The following ITGA1 variants were observed in gnomAD, a reference collection of about 807,000 sequenced individuals.
ITGA1 encodes the protein integrin subunit alpha 1, also known as integrin alpha-1.
Under a neutral mutation model 145.9 loss-of-function variants are expected in ITGA1, and 85 were observed. The observed-to-expected ratio is 0.58, with a 90% CI of 0.49 to 0.70. The LOEUF (loss-of-function observed/expected upper bound fraction) is 0.70. ITGA1 is among the 30% of genes least tolerant of loss of function. The probability of loss-of-function intolerance (pLI) is 0.00; values close to 1 mark genes in which losing one functional copy is unlikely to be tolerated. For missense variants in ITGA1, 1,351 were observed against 1,418.7 expected, an observed-to-expected ratio of 0.95 and a Z score of 0.77; for synonymous variants, 520 against 495.3, an observed-to-expected ratio of 1.05 and a Z score of -0.66.
intron 11 of ITGA1, among the ~76,000 whole-genome samples, chr5:52,899,325 T>G (rs757503885): frequency 4.6e-5 from 7 of 152,162 alleles, no homozygotes; most frequent in Non-Finnish European, 7.4e-5. Flanking sequence ...TTTACTGCGG[T>G]GTTTATACAT....
chr5:52,887,820 A>G lies in ITGA1; in HGVS notation c.779A>G (p.Glu260Gly). The G allele has an allele frequency of 6.2e-7, 1 of 1,611,622 alleles. No individual in the cohort carries two copies. Among genetic ancestry groups the G allele is most frequent in the Non-Finnish European group, 8.5e-7 (1 of 1,178,446 alleles). The change falls in exon 8 of 29, where the codon GAG becomes GGG. Residue 260 changes from glutamate (E) to glycine (G), a missense_variant. Physicochemically the swap from Glu to Gly is moderately conservative, Grantham distance 98. Transcript: ENST00000282588. ...TALGIDTARK[E>G]AFTEARGARR... ...TTTGTTTGTGATTACTTTAGAAAGG[A>G]GGCATTCACGGAAGCCCGGGGTGCC...
At chr5:52,879,183 G>C (rs1230543558) in intron 6 of ITGA1, among the ~76,000 whole-genome samples, 1 of 152,018 alleles carries the variant, frequency 6.6e-6, no homozygotes, top group Non-Finnish European at 1.5e-5. Context: ...AAAGAAATGA[G>C]AGACTAGGGT....
chr5:52,800,541 A>G (rs780308633), intron 1 of ITGA1: 19 of 1,614,068 alleles, frequency 1.2e-5, no homozygotes, highest in Middle Eastern at 1.6e-4. Context: ...AGGTACAGAC[A>G]GAGTCCTCCA....
chr5:52,830,916 C>T (rs866328762), intron 1 of ITGA1, among the ~76,000 whole-genome samples: 2 of 152,150 alleles, frequency 1.3e-5, no homozygotes, highest in East Asian at 1.9e-4. Context: ...ACATCACCAC[C>T]GTCTTGCCCT....
chr5:52,872,016 A>G (rs1332641864), intron 6 of ITGA1, among the ~76,000 whole-genome samples: 1 of 152,234 alleles, frequency 6.6e-6, no homozygotes, highest in Non-Finnish European at 1.5e-5. Flanking sequence ...ATAAGTGTGC[A>G]TTACCCTAAA....
At chr5:52,908,395 T>A (rs1197143749) in intron 12 of ITGA1, among the ~76,000 whole-genome samples, 1 of 152,184 alleles carries the variant, frequency 6.6e-6, no homozygotes, top group African/African-American at 2.4e-5. Context: ...TATTTTTCTA[T>A]GTCCCATAGC....
chr5:52,913,111 G>A (rs1417501947), intron 14 of ITGA1, among the ~76,000 whole-genome samples: 1 of 151,692 alleles, frequency 6.6e-6, no homozygotes, highest in Non-Finnish European at 1.5e-5. Context: ...ATATCTCCAG[G>A]ATTTGACTTT....
chr5:52,849,310 A>G (rs372555630), intron 1 of ITGA1, 55 bp from the exon 2 acceptor site: 275 of 1,486,566 alleles, frequency 1.8e-4, no homozygotes, highest in Non-Finnish European at 2.5e-4. Context: ...ATAACTCAAA[A>G]CATGATGGAC....
intron 26 of ITGA1, among the ~76,000 whole-genome samples, chr5:52,942,479 G>T (rs1284058192): frequency 6.7e-6 from 1 of 149,442 alleles, no homozygotes; most frequent in Admixed American, 6.6e-5. Context: ...TTACCTCCTT[G>T]GTTAGCTGTA....
intron 14 of ITGA1, among the ~76,000 whole-genome samples, chr5:52,912,798 C>T (rs888896852): frequency 1.3e-5 from 2 of 149,608 alleles, no homozygotes; most frequent in African/African-American, 4.9e-5. Context: ...CCAGGCTAGA[C>T]TGCAGTGGCA....
At chr5:52,878,512 T>C (rs1204480616) in intron 6 of ITGA1, among the ~76,000 whole-genome samples, 1 of 152,208 alleles carries the variant, frequency 6.6e-6, no homozygotes, top group African/African-American at 2.4e-5. Flanking sequence ...GTTGTAAATG[T>C]AAAGTATTAA....
intron 1 of ITGA1, among the ~76,000 whole-genome samples, chr5:52,822,919 G>C (rs1442471244): frequency 2.6e-5 from 4 of 152,144 alleles, no homozygotes; most frequent in East Asian, 3.9e-4. Flanking sequence ...AACTGCTTGG[G>C]CATCAGTGTT....
At chr5:52,803,103 T>A (rs1373162478) in intron 1 of ITGA1, 1 of 152,200 alleles carries the variant, frequency 6.6e-6, no homozygotes, top group Non-Finnish European at 1.5e-5. Context: ...TTTCAAGTAG[T>A]GATACTAACT....
chr5:52,818,003 G>A (rs192093198), intron 1 of ITGA1, among the ~76,000 whole-genome samples: 58 of 152,230 alleles, frequency 3.8e-4, no homozygotes, highest in African/African-American at 1.2e-3. Context: ...ATATGATTGC[G>A]TTCCCATAAA....
rs1408308889 is a variant in ITGA1 at position 52,881,792 on chromosome 5, T to G, written c.625-81T>G. ...GCAAACTCATCTGAAATGTATTATA[T>G]CTGATTCACATGGTTAACCTGAAGA... On this transcript the variant is annotated intron_variant, in intron 6 of 28. Transcript: ENST00000282588. The G allele has an allele frequency of 2.3e-6, 3 of 1,317,898 alleles. No individual in the cohort carries two copies. The African/African-American group carries it at 4.4e-5, about 19-fold the overall frequency. The allele number at this position is 1,317,898 out of a possible 1,614,324, so 81.6% of individuals were successfully genotyped here.
intron 1 of ITGA1, chr5:52,803,340 T>G (rs1333372680): frequency 1.3e-5 from 2 of 152,218 alleles, no homozygotes; most frequent in African/African-American, 2.4e-5. Flanking sequence ...ATCTTTAAAT[T>G]ACTATCAAAT....
At chr5:52,933,704 T>G in intron 22 of ITGA1, 190 bp from the exon 23 acceptor site, 2 of 319,294 alleles carry the variant, frequency 6.3e-6, no homozygotes. Context: ...ACTATTGAAC[T>G]AAATTACATA....
chr5:52,808,939 C>T (rs989770517), intron 1 of ITGA1, among the ~76,000 whole-genome samples: 11 of 151,804 alleles, frequency 7.2e-5, no homozygotes, highest in African/African-American at 2.4e-4. Context: ...CTTTTTGTCA[C>T]CTATTCATAT....
At chr5:52,877,954 T>C (rs1363472704) in intron 6 of ITGA1, among the ~76,000 whole-genome samples, 1 of 152,160 alleles carries the variant, frequency 6.6e-6, no homozygotes, top group South Asian at 2.1e-4. Flanking sequence ...TGAGGAAGCA[T>C]TTCCAACAGA....
Sources: allele counts gnomAD v4.1 joint callset (sites outside exome capture counted in the v4.1 genomes callset), GRCh38; gene constraint gnomAD v4.1.1; transcripts MANE v1.5; gene names NCBI Gene and HGNC (gene_info 2026-07-23, HGNC 2026-07-21).